TICRR: variants seen among roughly 807,000 people sequenced by gnomAD.
TICRR encodes treslin.
A neutral mutation model predicts 178.1 loss-of-function variants in TICRR; 132 were observed. The observed-to-expected ratio is 0.74, with a 90% CI of 0.64 to 0.86. TICRR has a LOEUF of 0.86. TICRR is among the 40% of genes least tolerant of loss of function. The pLI is 0.00. For synonymous variants in TICRR, 991 were observed against 900.7 expected (o/e 1.10, Z -1.79); for missense variants, 2,587 against 2,334.3 (o/e 1.11, Z -2.23).
chr15:89,620,865 G>T (rs1228943545), intron 18 of TICRR, among the ~76,000 whole-genome samples: 1 of 151,858 alleles, frequency 6.6e-6, no homozygotes, highest in African/African-American at 2.4e-5. Flanking sequence ...TGGGACTACA[G>T]GCGCCCGCCA....
chr15:89,618,788 T>G (rs561065459), intron 17 of TICRR, among the ~76,000 whole-genome samples: 2 of 152,224 alleles, frequency 1.3e-5, no homozygotes, highest in Admixed American at 1.3e-4. Context: ...TGAGGTGCTG[T>G]GTCTATAAAA....
chr15:89,604,974 T>C (rs1963153366), intron 13 of TICRR, among the ~76,000 whole-genome samples: 1 of 152,174 alleles, frequency 6.6e-6, no homozygotes, highest in Non-Finnish European at 1.5e-5. Context: ...AGCGTAGACA[T>C]ATAGTATTAA....
intron 7 of TICRR, 40 bp from the exon 8 acceptor site, chr15:89,599,284 C>A: frequency 3.3e-6 from 5 of 1,523,226 alleles, no homozygotes; most frequent in South Asian, 1.2e-5. Context: ...AGGACTTGAG[C>A]AAGATATGAT....
rs375907115 is a variant in TICRR, at chr15:89,618,210, G to A, written c.3019G>A (p.Glu1007Lys). Residue 1007 changes from glutamate (E) to lysine (K), a missense_variant and splice_region_variant, in exon 17 of 22, where the codon GAA (glutamate) becomes AAA (lysine). Transcript: ENST00000268138. ...TGAAGAGTCCCCTGAAAAAGGAGATGGTGAGTGTTATCTCTTTTTGTTTTT... is the reference window on the plus strand; with the variant it reads ...TGAAGAGTCCCCTGAAAAAGGAGATAGTGAGTGTTATCTCTTTTTGTTTTT... ...VVEESPEKGD[E>K]ISLRRSPRIK... 40 of 1,613,934 alleles carry A rather than the reference G, an allele frequency of 2.5e-5. No homozygotes were observed. In the East Asian group the frequency reaches 3.3e-4, roughly 13 times the overall value.
At chr15:89,602,453 G>T (rs113748842) in intron 12 of TICRR, among the ~76,000 whole-genome samples, 8 of 152,140 alleles carry the variant, frequency 5.3e-5, no homozygotes, top group African/African-American at 1.9e-4. Context: ...TATGCAGTTC[G>T]TCATTGAAGG....
intron 4 of TICRR, among the ~76,000 whole-genome samples, chr15:89,588,942 A>G (rs1484769898): frequency 1.3e-5 from 2 of 152,096 alleles, no homozygotes; most frequent in Non-Finnish European, 2.9e-5. Context: ...TGGAAGAGGC[A>G]AGGAGGATAC....
chr15:89,584,525 C>A lies in TICRR; in HGVS notation c.1174C>A (p.Leu392Met). The A allele has an allele frequency of 6.4e-7, 1 of 1,559,790 alleles. No homozygotes were observed. The highest frequency in any genetic ancestry group is 8.7e-7 in the Non-Finnish European group (1 of 1,152,310). ...CAGGCTGACTGCTGAAGAGTTACACCTGGTAGGTATCCTCCACACGGGAAG... is the reference window on the plus strand; with the variant it reads ...CAGGCTGACTGCTGAAGAGTTACACATGGTAGGTATCCTCCACACGGGAAG... ...VSRLTAEELH[L>M]VADVDPGEGR... The change falls in exon 3 of 22, where the codon CTG becomes ATG. Residue 392 changes from leucine to methionine, a missense_variant and splice_region_variant. Physicochemically the swap from Leu to Met is conservative, Grantham distance 15. Coordinates refer to ENST00000268138, the MANE Select transcript of TICRR (RefSeq NM_152259.4).
In TICRR at chr15:89,601,395, A is replaced by G; in HGVS notation, c.2247+4A>G. ...TATGGAACAAGTAGTGGAGGAGGCA[A>G]GTATATAGTTTCGTGCCATTGAAAT... On this transcript the variant is annotated splice_donor_region_variant and intron_variant, in intron 10 of 21. Transcript: ENST00000268138. 1 of 1,613,812 alleles carries G rather than the reference A, an allele frequency of 6.2e-7. No homozygotes were observed. The highest frequency in any genetic ancestry group is 8.5e-7 in the Non-Finnish European group (1 of 1,179,706).
chr15:89,615,162 T>A (rs1351674037), intron 15 of TICRR, among the ~76,000 whole-genome samples: 3 of 152,238 alleles, frequency 2.0e-5, no homozygotes, highest in African/African-American at 7.2e-5. Context: ...GCTGTAACAT[T>A]TAACAATTGC....
Position 89,575,560 on chromosome 15 carries a change from G to A in TICRR, c.-27G>A. ...GGGACGGTGGCGCGGGCCCGGACCG[G>A]GGCCCCGGGGCGGCGGCACGGCCGA... On this transcript the variant is annotated 5_prime_UTR_variant, in exon 1 of 22. Coordinates refer to ENST00000268138, the MANE Select transcript of TICRR (RefSeq NM_152259.4). 1.4e-6 allele frequency: 2 copies of A among 1,450,036 alleles called. No individual in the cohort carries two copies. The highest frequency in any genetic ancestry group is 1.5e-5 in the South Asian group (1 of 68,082). The allele number at this position is 1,450,036 out of a possible 1,614,324, so 89.8% of individuals were successfully genotyped here.
chr15:89,594,333 A>T, intron 5 of TICRR, 82 bp from the exon 6 acceptor site: 1 of 1,257,574 alleles, frequency 8.0e-7, no homozygotes, highest in Non-Finnish European at 1.1e-6. Context: ...TTTTTAGAGG[A>T]TAGTGGGTAT....
chr15:89,599,404 T>C lies in TICRR; in HGVS notation c.1981T>C (p.Tyr661His), dbSNP rs781272164. ...TGTGGCCACAGGAGAAATCATGTTGTATGCATGTGCTCGAAACATGATCTC... is the reference window on the plus strand; with the variant it reads ...TGTGGCCACAGGAGAAATCATGTTGCATGCATGTGCTCGAAACATGATCTC... ...KTVATGEIML[Y>H]ACARNMISTV... The change falls in exon 8 of 22, where the codon TAT becomes CAT. Residue 661 changes from tyrosine (Y) to histidine (H), a missense_variant. Physicochemically the swap from Tyr to His is moderately conservative, Grantham distance 83. Transcript: ENST00000268138. 6.2e-6 allele frequency: 10 copies of C among 1,613,888 alleles called. No homozygotes were observed. The highest frequency in any genetic ancestry group is 8.5e-6 in the Non-Finnish European group (10 of 1,179,892).
At chr15:89,590,116 G>A (rs979112045) in intron 4 of TICRR, among the ~76,000 whole-genome samples, 2 of 152,162 alleles carry the variant, frequency 1.3e-5, no homozygotes, top group African/African-American at 4.8e-5. Flanking sequence ...AGGGGCCAAT[G>A]ACAAAGATAG....
Position 89,577,024 on chromosome 15 carries a change from G to C in TICRR, c.654+784G>C, listed in dbSNP as rs1432913834. On this transcript the variant is annotated intron_variant, in intron 1 of 21. Coordinates refer to ENST00000268138, the MANE Select transcript of TICRR (RefSeq NM_152259.4). ...TTCTCATGCCTCAGCCTCCCAAGTAGCTGAGACTACAGGCCCACGCCACCA... is the reference window on the plus strand; with the variant it reads ...TTCTCATGCCTCAGCCTCCCAAGTACCTGAGACTACAGGCCCACGCCACCA... Among the ~76,000 whole-genome samples, 4 of 151,938 alleles carry C rather than the reference G, an allele frequency of 2.6e-5. No individual in the cohort carries two copies. The East Asian group carries it at 7.8e-4, about 29-fold the overall frequency.
In TICRR at chr15:89,582,719, A is replaced by G. The variant is rs758766641; in HGVS notation, c.688A>G (p.Thr230Ala). 2.8e-5 allele frequency: 45 copies of G among 1,613,996 alleles called. No homozygotes were observed. In the Admixed American group the frequency reaches 7.5e-4, roughly 27 times the overall value. The change falls in exon 2 of 22, where the codon ACT (threonine) becomes GCT (alanine). Residue 230 changes from threonine (T) to alanine (A), a missense_variant. Thr to Ala is a moderately conservative substitution (Grantham distance 58, BLOSUM62 0). Transcript: ENST00000268138. ...WESPDHLGYW[T>A]VCELLHHGGG... ...ATCCCCAGACCACCTTGGATACTGG[A>G]CTGTTTGTGAACTGCTCCACCACGG...
In TICRR at chr15:89,619,824, T is replaced by G. The variant is rs1438427269; in HGVS notation, c.3136T>G (p.Phe1046Val). The change falls in exon 18 of 22, where the codon TTC becomes GTC. Residue 1046 changes from phenylalanine to valine, a missense_variant. Phe to Val is a conservative substitution (Grantham distance 50). Coordinates refer to ENST00000268138, the MANE Select transcript of TICRR (RefSeq NM_152259.4). The part of the protein sequence containing the change: ...KSRSVQRVHS[F>V]QQDKSDQREN... ...TCGAAGTGTGCAAAGAGTCCACTCT[T>G]TCCAGCAAGATAAGTCAGGTAACAT... The G allele has an allele frequency of 8.7e-6, 14 of 1,612,526 alleles. No homozygotes were observed. Among genetic ancestry groups the G allele is most frequent in the Non-Finnish European group, 1.2e-5 (14 of 1,179,628 alleles).
At chr15:89,618,069 G>C in intron 16 of TICRR, 83 bp from the exon 17 acceptor site, 3 of 1,359,142 alleles carry the variant, frequency 2.2e-6, no homozygotes, top group Non-Finnish European at 1.1e-6. Flanking sequence ...TTGTGATCTT[G>C]TTAAGTGAGA....
intron 15 of TICRR, among the ~76,000 whole-genome samples, chr15:89,612,201 A>G (rs1194020145): frequency 6.6e-6 from 1 of 151,932 alleles, no homozygotes. Flanking sequence ...TAAAGTATGT[A>G]TACCTTGTTG....
chr15:89,591,738 T>A (rs1596043378), intron 4 of TICRR: 2 of 171,910 alleles, frequency 1.2e-5, no homozygotes. Flanking sequence ...CTCAAAAAAA[T>A]AAATAAATAA....
Sources: allele counts gnomAD v4.1 joint callset (sites outside exome capture counted in the v4.1 genomes callset), GRCh38; gene constraint gnomAD v4.1.1; transcripts MANE v1.5; gene names NCBI Gene and HGNC (gene_info 2026-07-23, HGNC 2026-07-21).